Variants in NBEA observed in about 807,000 individuals in gnomAD.
NBEA encodes neurobeachin, also known as lysosomal-trafficking regulator 2.
Under a neutral mutation model 343.4 loss-of-function variants are expected in NBEA, and 44 were observed. The ratio of observed to expected loss-of-function variants is 0.13; its 90% confidence interval spans 0.10 to 0.16. NBEA has a LOEUF of 0.16. Ranked by LOEUF, NBEA falls within the 10% of genes least tolerant of loss-of-function variation. The probability of loss-of-function intolerance (pLI) is 1.00; values close to 1 mark genes in which losing one functional copy is unlikely to be tolerated. For synonymous variants in NBEA, 1,175 were observed against 1,238.7 expected (o/e 0.95, Z 1.08); for missense variants, 2,555 against 3,631.3 (o/e 0.70, Z 7.62).
intron 39 of NBEA, among the ~76,000 whole-genome samples, chr13:35,445,824 A>G (rs929480066): frequency 7.8e-6 from 1 of 127,838 alleles, no homozygotes; most frequent in Non-Finnish European, 1.6e-5. Flanking sequence ...ATATGTATAT[A>G]TATATATTAT....
At chr13:35,445,024 T>C (rs1041779576) in intron 39 of NBEA, among the ~76,000 whole-genome samples, 1 of 152,150 alleles carries the variant, frequency 6.6e-6, no homozygotes, top group African/African-American at 2.4e-5. Flanking sequence ...CTCATTCACA[T>C]TTTAATGAAT....
chr13:35,511,332 T>C (rs769464414), intron 41 of NBEA, among the ~76,000 whole-genome samples: 2 of 152,182 alleles, frequency 1.3e-5, no homozygotes, highest in Non-Finnish European at 2.9e-5. Context: ...ATAAGGACTT[T>C]TAAAATAATG....
At chr13:35,236,800 T>A (rs1434698789) in intron 34 of NBEA, among the ~76,000 whole-genome samples, 2 of 151,882 alleles carry the variant, frequency 1.3e-5, no homozygotes, top group Admixed American at 1.3e-4. Flanking sequence ...TACTCATCCT[T>A]TGAGTCCATT....
chr13:35,402,475 G>A (rs1222130715), intron 38 of NBEA, among the ~76,000 whole-genome samples: 1 of 151,908 alleles, frequency 6.6e-6, no homozygotes, highest in Non-Finnish European at 1.5e-5. Flanking sequence ...TCTTAATGTG[G>A]CAAATATAAG....
chr13:35,220,328 T>C (rs892761367), intron 33 of NBEA, among the ~76,000 whole-genome samples: 5 of 152,180 alleles, frequency 3.3e-5, no homozygotes, highest in African/African-American at 1.2e-4. Flanking sequence ...TCTGAATGTC[T>C]GACCTCCACC....
Position 35,118,472 on chromosome 13 carries a change from A to G in NBEA, c.2241A>G (p.Ile747Met). 6.3e-7 allele frequency: 1 copy of G among 1,586,770 alleles called. No homozygotes were observed. Among genetic ancestry groups the G allele is most frequent in the Non-Finnish European group, 8.6e-7 (1 of 1,164,456 alleles). Residue 747 changes from isoleucine to methionine, a missense_variant and splice_region_variant, in exon 16 of 59, where the codon ATA becomes ATG. Ile to Met is a conservative substitution (Grantham distance 10, BLOSUM62 1). This residue lies in a region of NBEA where 360 missense variants were observed against 519.1 expected (regional missense o/e 0.69). Coordinates refer to ENST00000379939, the MANE Select transcript of NBEA (RefSeq NM_001385012.1). ...MIPAFDQRNG[I>M]RVIYKLLASK... is the part of the protein sequence containing the mutation. ...CAGCATTTGATCAAAGAAATGGAAT[A>G]AGGTATGATTATAATATTAGTATTA...
intron 5 of NBEA, among the ~76,000 whole-genome samples, 188 bp downstream of exon 5, chr13:35,048,872 A>G (rs2062959998): frequency 1.3e-5 from 2 of 151,858 alleles, no homozygotes; most frequent in African/African-American, 4.8e-5. Flanking sequence ...TATTGATTCT[A>G]GGTCATCTGC....
intron 38 of NBEA, among the ~76,000 whole-genome samples, chr13:35,423,519 T>C (rs2044438489): frequency 6.6e-6 from 1 of 152,242 alleles, no homozygotes; most frequent in Non-Finnish European, 1.5e-5. Flanking sequence ...ATCTCTGTTT[T>C]GGTACCAGTA....
Position 35,667,507 on chromosome 13 carries a change from A to G in NBEA, c.8598A>G (p.Arg2866=). Residue 2866 remains arginine, a synonymous_variant, in exon 57 of 59, where the codon CGA becomes CGG. Coordinates refer to ENST00000379939, the MANE Select transcript of NBEA (RefSeq NM_001385012.1). ...GTATCATATACTATGAACGAGGGCG[A>G]TTCAGTAATTTCAGCATTAATGGGA... ...GHCIIYYERG[R]FSNFSINGKL... The G allele has an allele frequency of 6.2e-7, 1 of 1,614,022 alleles. No individual in the cohort carries two copies. The highest frequency in any genetic ancestry group is 8.5e-7 in the Non-Finnish European group (1 of 1,179,894).
At position 35,476,473 on chromosome 13, in the gene NBEA, G is replaced by GCT. The variant is rs2075878904; in HGVS notation, c.6585+3937_6585+3938insCT. On this transcript the variant is annotated intron_variant, in intron 41 of 58. Coordinates refer to ENST00000379939, the MANE Select transcript of NBEA (RefSeq NM_001385012.1). ...CTTGTGTGAGAGAACCGCATGGAGA[G>GCT]ATCACCTTCTCAGGAATAAAAAACA... The GCT allele has an allele frequency of 7.7e-6, 6 of 776,860 alleles. No homozygotes were observed. In the South Asian group the frequency reaches 9.7e-5, roughly 13 times the overall value. The allele number at this position is 776,860 out of a possible 1,614,324, so 48.1% of individuals were successfully genotyped here.
intron 38 of NBEA, among the ~76,000 whole-genome samples, chr13:35,403,360 T>C: frequency 6.6e-6 from 1 of 152,076 alleles, no homozygotes; most frequent in Non-Finnish European, 1.5e-5. Flanking sequence ...TCTTGTTGCT[T>C]ACAATCTAGT....
intron 12 of NBEA, 133 bp downstream of exon 12, chr13:35,109,575 G>A: frequency 1.3e-6 from 1 of 753,374 alleles, no homozygotes; most frequent in Non-Finnish European, 1.9e-6. Flanking sequence ...AATTGTGTTA[G>A]GCAGTATCAG....
intron 8 of NBEA, 49 bp from the exon 9 acceptor site, chr13:35,069,859 G>T: frequency 5.3e-6 from 7 of 1,324,802 alleles, no homozygotes; most frequent in Admixed American, 2.6e-5. Flanking sequence ...ACTTTTGAGT[G>T]TAATTGTTGC....
intron 36 of NBEA, among the ~76,000 whole-genome samples, chr13:35,330,350 T>C (rs183975063): frequency 7.0e-4 from 107 of 152,178 alleles, no homozygotes; most frequent in African/African-American, 2.4e-3. Flanking sequence ...GTTATTTAAG[T>C]GGCACTTTAG....
At chr13:35,362,943 A>G (rs1479470695) in intron 38 of NBEA, among the ~76,000 whole-genome samples, 1 of 151,922 alleles carries the variant, frequency 6.6e-6, no homozygotes, top group Non-Finnish European at 1.5e-5. Flanking sequence ...GGAACTGTAA[A>G]GTAAAAATTA....
At chr13:35,298,207 GTGTGTATATATATATATA>G (rs1354550673) in intron 35 of NBEA, among the ~76,000 whole-genome samples, 6 of 16,150 alleles carry the variant, frequency 3.7e-4, no homozygotes, top group African/African-American at 6.3e-4. Flanking sequence ...GTGTGTGTGT[GTGTGTATATATATATATA>G]TATATATATA....
At chr13:35,293,736 A>G (rs1282698469) in intron 35 of NBEA, among the ~76,000 whole-genome samples, 2 of 151,988 alleles carry the variant, frequency 1.3e-5, no homozygotes, top group African/African-American at 2.4e-5. Context: ...TTTAGGTGCT[A>G]TAATAGTTCC....
chr13:35,454,592 T>TTAATTA (rs2046463180), intron 40 of NBEA, among the ~76,000 whole-genome samples: 2 of 152,034 alleles, frequency 1.3e-5, no homozygotes, highest in Non-Finnish European at 2.9e-5. Context: ...CAGGAGTGGT[T>TTAATTA]GCTCACACCT....
At position 35,248,607 on chromosome 13, in the gene NBEA, CAAAT is replaced by C. The variant is rs1426381252; in HGVS notation, c.5776+15992_5776+15995del. Among the ~76,000 whole-genome samples, 6 of 112,042 alleles carry C rather than the reference CAAAT, an allele frequency of 5.4e-5. No homozygotes were observed. The East Asian group carries it at 1.1e-3, about 20-fold the overall frequency. The allele number at this position is 112,042 out of a possible 152,430, so 73.5% of individuals were successfully genotyped here. On this transcript the variant is annotated intron_variant, in intron 34 of 58. Transcript: ENST00000379939. ...AAACAAAGCAAAACAAACAAGCAAA[CAAAT>C]AAACAAACAAAAAAAGCCAGCCCTT...
Sources: gnomAD v4.1 joint callset for allele counts (sites outside exome capture counted in the v4.1 genomes callset) on GRCh38, gnomAD v4.1.1 for gene constraint, gnomAD v4.1.1 regional missense constraint, MANE v1.5 for transcripts, NCBI Gene and HGNC (gene_info 2026-07-23, HGNC 2026-07-21) for gene names.